Variants in GABRG3 observed in about 807,000 individuals in gnomAD.
GABRG3 encodes gamma-aminobutyric acid receptor subunit gamma-3.
A neutral mutation model predicts 48.8 loss-of-function variants in GABRG3; 25 were observed. The ratio of observed to expected loss-of-function variants is 0.51; its 90% CI spans 0.37 to 0.72. The LOEUF (loss-of-function observed/expected upper bound fraction) is 0.72. Ranked by LOEUF, GABRG3 falls within the 30% of genes least tolerant of loss-of-function variation. The pLI is 0.00. For missense variants in GABRG3, 394 were observed against 577.9 expected (o/e 0.68, Z 3.26); for synonymous variants, 227 against 217.6 (o/e 1.04, Z -0.38).
At chr15:27,450,665 C>T (rs896859970) in intron 5 of GABRG3, among the ~76,000 whole-genome samples, 29 of 151,966 alleles carry the variant, frequency 1.9e-4, no homozygotes, top group African/African-American at 2.9e-4. Flanking sequence ...AGGATGTCCA[C>T]TCTTGCCACT....
chr15:27,181,038 AG>A (rs2140416729), intron 3 of GABRG3, among the ~76,000 whole-genome samples: 1 of 152,292 alleles, frequency 6.6e-6, no homozygotes, highest in East Asian at 1.9e-4. Context: ...AAAGGCCTAA[AG>A]GGTTGAAGGG....
chr15:27,103,445 A>G (rs1241936101), intron 3 of GABRG3, among the ~76,000 whole-genome samples: 3 of 152,112 alleles, frequency 2.0e-5, no homozygotes, highest in Admixed American at 6.5e-5. Context: ...GGTCCACAGC[A>G]TGTCCAACTA....
Position 27,044,129 on chromosome 15 carries a change from A to G in GABRG3, c.270+17308A>G, listed in dbSNP as rs117015323. ...ATAATCTAACCTCGGAAGTGATGTCATGTCACTTTGGCCATATCTGTTGGT... is the reference window on the plus strand; with the variant it reads ...ATAATCTAACCTCGGAAGTGATGTCGTGTCACTTTGGCCATATCTGTTGGT... On this transcript the variant is annotated intron_variant, in intron 3 of 9. Coordinates refer to ENST00000615808, the MANE Select transcript of GABRG3 (RefSeq NM_033223.5). Among the ~76,000 whole-genome samples the G allele has an allele frequency of 7.5e-3, 1,142 of 152,302 alleles. 35 individuals carry two copies. In the East Asian group the frequency reaches 0.09, roughly 12 times the overall value.
At chr15:27,094,495 A>G (rs1219675107) in intron 3 of GABRG3, among the ~76,000 whole-genome samples, 2 of 152,208 alleles carry the variant, frequency 1.3e-5, no homozygotes, top group Non-Finnish European at 2.9e-5. Context: ...GAATGTGGCC[A>G]TACAGATGGG....
chr15:27,142,944 A>C (rs142631738), intron 3 of GABRG3, among the ~76,000 whole-genome samples: 76 of 152,120 alleles, frequency 5.0e-4, no homozygotes, highest in Middle Eastern at 3.4e-3. Flanking sequence ...TTGTAGAGAT[A>C]AGGTTTTGCC....
At chr15:27,156,315 A>G (rs981259431) in intron 3 of GABRG3, among the ~76,000 whole-genome samples, 3 of 151,678 alleles carry the variant, frequency 2.0e-5, no homozygotes, top group South Asian at 2.1e-4. Context: ...AAAAAAAAAA[A>G]AAAAAAGAAA....
At chr15:27,385,944 T>C (rs1022674098) in intron 5 of GABRG3, among the ~76,000 whole-genome samples, 3 of 152,230 alleles carry the variant, frequency 2.0e-5, no homozygotes, top group African/African-American at 7.2e-5. Flanking sequence ...TTTCTTTTAA[T>C]GTTTGATAAG....
chr15:27,313,532 ACATT>A (rs1893103586), intron 3 of GABRG3, among the ~76,000 whole-genome samples: 1 of 151,442 alleles, frequency 6.6e-6, no homozygotes, highest in Non-Finnish European at 1.5e-5. Flanking sequence ...AGCAGAATCT[ACATT>A]CTTCTCAAGT....
chr15:27,101,760 G>A (rs555651879), intron 3 of GABRG3, among the ~76,000 whole-genome samples: 84 of 148,446 alleles, frequency 5.7e-4, no homozygotes, highest in Non-Finnish European at 2.8e-4. Context: ...CCAATCTCTC[G>A]GCTTCCCTGG....
chr15:27,495,008 C>T (rs1890448399), intron 6 of GABRG3, among the ~76,000 whole-genome samples: 1 of 152,200 alleles, frequency 6.6e-6, no homozygotes, highest in South Asian at 2.1e-4. Context: ...TAGCTGTATC[C>T]CACACAGTTT....
At chr15:26,972,071 GC>G (rs558432992) in intron 1 of GABRG3, among the ~76,000 whole-genome samples, 63 of 152,136 alleles carry the variant, frequency 4.1e-4, no homozygotes, top group African/African-American at 1.4e-3. Context: ...TTGGAGGCAG[GC>G]GCGGGGGGAT....
intron 2 of GABRG3, among the ~76,000 whole-genome samples, chr15:26,995,668 C>T (rs1895327714): frequency 6.6e-6 from 1 of 151,926 alleles, no homozygotes; most frequent in Non-Finnish European, 1.5e-5. Flanking sequence ...CGGCAATATA[C>T]ATGTCATTGA....
At chr15:27,071,522 G>A (rs575101157) in intron 3 of GABRG3, among the ~76,000 whole-genome samples, 10 of 152,310 alleles carry the variant, frequency 6.6e-5, no homozygotes, top group African/African-American at 2.4e-4. Flanking sequence ...CCAGCTTGAC[G>A]GATGTCTGCC....
chr15:27,232,850 G>A lies in GABRG3; in HGVS notation c.271-93959G>A, dbSNP rs373623279. ...AGATGAAATAGTCAGGCCCATGGTG[G>A]TTAAATTTGTTCCCGTGATCTCTTC... On this transcript the variant is annotated intron_variant, in intron 3 of 9. Coordinates refer to ENST00000615808, the MANE Select transcript of GABRG3 (RefSeq NM_033223.5). 1.2e-4 allele frequency among the ~76,000 whole-genome samples: 19 copies of A among 152,328 alleles called. 1 individual carries two copies. In the South Asian group the frequency reaches 3.1e-3, roughly 25 times the overall value.
chr15:27,482,073 G>C (rs1890113553), intron 6 of GABRG3, among the ~76,000 whole-genome samples: 1 of 152,254 alleles, frequency 6.6e-6, no homozygotes, highest in Non-Finnish European at 1.5e-5. Flanking sequence ...TTTTGAAACT[G>C]ATTGCAAGCA....
intron 5 of GABRG3, among the ~76,000 whole-genome samples, chr15:27,451,801 T>C (rs531528999): frequency 1.3e-5 from 2 of 152,232 alleles, no homozygotes; most frequent in South Asian, 4.1e-4. Flanking sequence ...AAGAAGTTGA[T>C]ATCCAAAATA....
At chr15:27,143,863 G>C (rs933407631) in intron 3 of GABRG3, among the ~76,000 whole-genome samples, 1 of 152,124 alleles carries the variant, frequency 6.6e-6, no homozygotes, top group African/African-American at 2.4e-5. Context: ...TTTGTTGACC[G>C]TGAGGTTTGG....
At chr15:27,038,489 C>T (rs879463736) in intron 3 of GABRG3, among the ~76,000 whole-genome samples, 1 of 152,178 alleles carries the variant, frequency 6.6e-6, no homozygotes, top group South Asian at 2.1e-4. Flanking sequence ...GTGTGCCCAC[C>T]ACCTGTGGAC....
At chr15:27,234,662 T>C (rs1327750932) in intron 3 of GABRG3, among the ~76,000 whole-genome samples, 1 of 152,228 alleles carries the variant, frequency 6.6e-6, no homozygotes, top group African/African-American at 2.4e-5. Flanking sequence ...GATGATCACC[T>C]TTTAGTTACT....
Sources: allele counts gnomAD v4.1 joint callset (sites outside exome capture counted in the v4.1 genomes callset), GRCh38; gene constraint gnomAD v4.1.1; transcripts MANE v1.5; gene names NCBI Gene and HGNC (gene_info 2026-07-23, HGNC 2026-07-21).